Variants in KANK2 observed in about 807,000 individuals in gnomAD.
The protein encoded by KANK2 is KN motif and ankyrin repeat domains 2.
In KANK2, 41 loss-of-function variants were observed where a neutral mutation model predicts 74.6. The observed-to-expected ratio is 0.55, with a 90% CI of 0.43 to 0.71. The LOEUF (loss-of-function observed/expected upper bound fraction) is 0.71, where lower values mean the gene tolerates loss of function less well. Ranked by LOEUF, KANK2 falls within the 30% of genes least tolerant of loss-of-function variation. The pLI is 0.00. For missense variants in KANK2, 1,148 were observed against 1,196.4 expected (o/e 0.96, Z 0.60); for synonymous variants, 537 against 519.0 (o/e 1.03, Z -0.47).
At chr19:11,185,587 C>T (rs970133039) in intron 4 of KANK2, among the ~76,000 whole-genome samples, 3 of 149,958 alleles carry the variant, frequency 2.0e-5, no homozygotes, top group African/African-American at 4.9e-5. Context: ...GCCCACAGGC[C>T]GTAGTTTGCC....
At position 11,172,975 on chromosome 19, in the gene KANK2, C is replaced by G; in HGVS notation, c.2211+6G>C. ...CCTGGATCTGCAGCAGCCGGGGTCCCCATACCTGGCTGGCTTTGGCATTGA... is the reference window on the plus strand; with the variant it reads ...CCTGGATCTGCAGCAGCCGGGGTCCGCATACCTGGCTGGCTTTGGCATTGA... On this transcript the variant is annotated splice_donor_region_variant and intron_variant, in intron 10 of 12. Coordinates refer to ENST00000586659, the MANE Select transcript of KANK2 (RefSeq NM_001136191.3). 2 of 1,612,602 alleles carry G rather than the reference C, an allele frequency of 1.2e-6. No individual in the cohort carries two copies. The highest frequency in any genetic ancestry group is 1.7e-5 in the Admixed American group (1 of 59,818).
chr19:11,171,567 T>TA (rs1418756083), intron 10 of KANK2, among the ~76,000 whole-genome samples: 1 of 147,392 alleles, frequency 6.8e-6, no homozygotes, highest in Non-Finnish European at 1.5e-5. Context: ...GGTGGGGGGG[T>TA]GTCTCTAGGT....
chr19:11,193,417 C>T lies in KANK2; in HGVS notation c.663G>A (p.Glu221=), dbSNP rs1431174853. 5.0e-6 allele frequency: 8 copies of T among 1,612,412 alleles called. No homozygotes were observed. Among genetic ancestry groups the T allele is most frequent in the Non-Finnish European group, 6.8e-6 (8 of 1,179,898 alleles). Reference sequence around the variant, plus strand: ...GTTGTACTGTGAGCTGCCGCTTTTCCTCCTGGAGCACCGAGAGCTTCACCT... The same window carrying T: ...GTTGTACTGTGAGCTGCCGCTTTTCTTCCTGGAGCACCGAGAGCTTCACCT... ...VLQVKLSVLQ[E]EKRQLTVQLK... Residue 221 remains glutamate (E), a synonymous_variant, in exon 4 of 13, where the codon GAG becomes GAA. Coordinates refer to ENST00000586659, the MANE Select transcript of KANK2 (RefSeq NM_001136191.3). The surrounding 1 kb of genome is among the most constrained non-coding windows in gnomAD (Gnocchi z 9.6).
At position 11,164,663 on chromosome 19, in the gene KANK2, T is replaced by G. The variant is rs2077979991; in HGVS notation, c.*1895A>C. On this transcript the variant is annotated 3_prime_UTR_variant, in exon 13 of 13. Coordinates refer to ENST00000586659, the MANE Select transcript of KANK2 (RefSeq NM_001136191.3). Reference sequence around the variant, plus strand: ...CACAATTAATTGTTTCCAATCAGCTTTGGTTTTGTTTTCTCTGCAATTTAC... The same window carrying G: ...CACAATTAATTGTTTCCAATCAGCTGTGGTTTTGTTTTCTCTGCAATTTAC... The G allele has an allele frequency of 6.6e-6, 1 of 150,470 alleles. No individual in the cohort carries two copies. The highest frequency in any genetic ancestry group is 2.1e-4 in the South Asian group (1 of 4,672). 9.3% of individuals were successfully genotyped at this position (150,470 alleles called of 1,614,324 possible). A position where few individuals can be genotyped will look rare whatever the true frequency, so the allele number is the denominator to read the frequency against.
intron 4 of KANK2, among the ~76,000 whole-genome samples, chr19:11,191,338 C>T (rs1313880061): frequency 6.6e-6 from 1 of 152,224 alleles, no homozygotes; most frequent in Non-Finnish European, 1.5e-5. Flanking sequence ...TGCGCCCGGC[C>T]CAGCTGTCAT....
rs188376407 is a variant in KANK2 at position 11,173,786 on chromosome 19, G to A, written c.2069-663C>T. Among the ~76,000 whole-genome samples, 5 of 152,108 alleles carry A rather than the reference G, an allele frequency of 3.3e-5. No individual in the cohort carries two copies. The East Asian group carries it at 7.7e-4, about 24-fold the overall frequency. On this transcript the variant is annotated intron_variant, in intron 9 of 12. Coordinates refer to ENST00000586659, the MANE Select transcript of KANK2 (RefSeq NM_001136191.3). ...GGTAGAGTCTCTGCTATCAGACTAG[G>A]AGAGTCATGTCTCCCTCGTTAGACT...
chr19:11,191,165 G>A (rs775285128), intron 4 of KANK2, among the ~76,000 whole-genome samples: 14 of 148,714 alleles, frequency 9.4e-5, no homozygotes, highest in Non-Finnish European at 1.8e-4. Context: ...CTCAGCCTCC[G>A]GAGTAGCTGG....
intron 4 of KANK2, among the ~76,000 whole-genome samples, chr19:11,182,526 TA>T (rs35598796): frequency 2.4e-4 from 24 of 100,426 alleles, no homozygotes; most frequent in Non-Finnish European, 1.8e-4. Flanking sequence ...ACCCTATCTT[TA>T]AAAAAAAAAA....
In KANK2 at chr19:11,193,183, C is replaced by A. The variant is rs754854938; in HGVS notation, c.897G>T (p.Ala299=). 1.2e-6 allele frequency: 2 copies of A among 1,610,274 alleles called. No homozygotes were observed. Among genetic ancestry groups the A allele is most frequent in the Non-Finnish European group, 8.5e-7 (1 of 1,179,594 alleles). ...VAVLETQLKK[A]LQELQAAQAR... ...CCTGAGCTGCCTGCAGCTCCTGCAGCGCCTTCTTGAGCTGGGTCTCCAGCA... is the reference window on the plus strand; with the variant it reads ...CCTGAGCTGCCTGCAGCTCCTGCAGAGCCTTCTTGAGCTGGGTCTCCAGCA... Residue 299 remains alanine, a synonymous_variant, in exon 4 of 13, where the codon GCG becomes GCT. Coordinates refer to ENST00000586659, the MANE Select transcript of KANK2 (RefSeq NM_001136191.3). This position sits in a 1 kb window ranked among gnomAD's most constrained non-coding sequence, Gnocchi z 9.6.
chr19:11,193,797 T>A lies in KANK2; in HGVS notation c.283A>T (p.Ser95Cys). 6.2e-7 allele frequency: 1 copy of A among 1,612,650 alleles called. No homozygotes were observed. Among genetic ancestry groups the A allele is most frequent in the Middle Eastern group, 1.6e-4 (1 of 6,062 alleles). The change falls in exon 4 of 13, where the codon AGC (serine) becomes TGC (cysteine). Residue 95 changes from serine (S) to cysteine (C), a missense_variant. Coordinates refer to ENST00000586659, the MANE Select transcript of KANK2 (RefSeq NM_001136191.3). The surrounding 1 kb of genome is among the most constrained non-coding windows in gnomAD (Gnocchi z 9.6). ...CAGTAGGAATAGGCTGAGTGGCGGC[T>A]GTCCCCACTGGCATTGGAGCACAGC... ...ESLCSNASGD[S>C]RHSAYSYCGR... is the part of the protein sequence containing the mutation.
chr19:11,169,303 A>G (rs1047845366), intron 12 of KANK2, among the ~76,000 whole-genome samples: 1 of 152,106 alleles, frequency 6.6e-6, no homozygotes, highest in Non-Finnish European at 1.5e-5. Flanking sequence ...GTGCCACTGT[A>G]CTCCAGCCTG....
intron 4 of KANK2, among the ~76,000 whole-genome samples, chr19:11,183,210 T>C (rs2078579289): frequency 6.6e-6 from 1 of 152,162 alleles, no homozygotes; most frequent in Non-Finnish European, 1.5e-5. Flanking sequence ...CATTTTTGCA[T>C]TAATAAATGG....
At chr19:11,180,808 G>A (rs761538465) in intron 4 of KANK2, among the ~76,000 whole-genome samples, 2 of 152,228 alleles carry the variant, frequency 1.3e-5, no homozygotes, top group East Asian at 1.9e-4. Flanking sequence ...TGGAGAGGCC[G>A]GGCGCAGTAG....
intron 12 of KANK2, 146 bp from the exon 13 acceptor site, chr19:11,166,757 C>T: frequency 1.4e-6 from 1 of 707,612 alleles, no homozygotes; most frequent in Admixed American, 2.3e-5. Context: ...TCTGGGGGCA[C>T]CGCCTTGAAG....
Position 11,169,944 on chromosome 19 carries a change from A to G in KANK2, c.2435T>C (p.Val812Ala). 1 of 1,614,202 alleles carries G rather than the reference A, an allele frequency of 6.2e-7. No homozygotes were observed. The highest frequency in any genetic ancestry group is 8.5e-7 in the Non-Finnish European group (1 of 1,180,020). The change falls in exon 12 of 13, where the codon GTG (valine) becomes GCG (alanine). Residue 812 changes from valine to alanine, a missense_variant. By Grantham distance (64) the Val-to-Ala change is moderately conservative. Transcript: ENST00000586659. ...CTCACTCTGCCCTGCGTCCAAGGCC[A>G]CCATCAGAGCTGTGCTCCCATCCTG... is the stretch of plus-strand genomic sequence containing the variant. ...TDRDGSTALM[V>A]ALDAGQSEIA...
At position 11,193,099 on chromosome 19, in the gene KANK2, C is replaced by T. The variant is rs1328313593; in HGVS notation, c.981G>A (p.Val327=). 3 of 1,607,072 alleles carry T rather than the reference C, an allele frequency of 1.9e-6. No individual in the cohort carries two copies. The highest frequency in any genetic ancestry group is 2.7e-5 in the African/African-American group (2 of 74,776). The change falls in exon 4 of 13, where the codon GTG becomes GTA. Residue 327 remains valine (V), a synonymous_variant. Transcript: ENST00000586659. This position sits in a 1 kb window ranked among gnomAD's most constrained non-coding sequence, Gnocchi z 9.6. ...AWPPPDSPVR[V]DTVRVVEGPR... The stretch of plus-strand genomic sequence containing the variant: ...GCCCTTCTACCACCCGGACTGTATC[C>T]ACGCGGACCGGGCTGTCCGGCGGTG...
At chr19:11,178,228 T>G in intron 6 of KANK2, 117 bp downstream of exon 6, 2 of 928,762 alleles carry the variant, frequency 2.2e-6, no homozygotes, top group Non-Finnish European at 3.0e-6. Context: ...GTGGTTTGAT[T>G]AAACGAATTA....
intron 4 of KANK2, chr19:11,192,545 C>T (rs2078876901): frequency 2.6e-6 from 1 of 382,264 alleles, no homozygotes. Flanking sequence ...AGCGATTCTC[C>T]TGCCTCAGCC....
Position 11,185,632 on chromosome 19 carries a change from A to G in KANK2, c.1250-6912T>C, listed in dbSNP as rs1323158958. ...TCTGGAAGATACCAGCAACTTCTAA[A>G]AACTGCTCAGAGAAAAAATGGAGAA... On this transcript the variant is annotated intron_variant, in intron 4 of 12. Transcript: ENST00000586659. 1.3e-5 allele frequency among the ~76,000 whole-genome samples: 2 copies of G among 150,444 alleles called. 1 individual carries two copies. The highest frequency in any genetic ancestry group is 4.9e-5 in the African/African-American group (2 of 40,926).
Sources: allele counts gnomAD v4.1 joint callset (sites outside exome capture counted in the v4.1 genomes callset), GRCh38; gene constraint gnomAD v4.1.1; non-coding constraint Gnocchi (gnomAD v3.1); transcripts MANE v1.5; gene names NCBI Gene and HGNC (gene_info 2026-07-23, HGNC 2026-07-21).